Variants in KSR1 observed in about 807,000 individuals in gnomAD.
KSR1 encodes the protein kinase suppressor of ras 1, also known as kinase suppressor of ras.
In KSR1, 35 loss-of-function variants were observed where a neutral mutation model predicts 92.9. That is an observed-to-expected ratio of 0.38 (90% confidence interval 0.29 to 0.50). The LOEUF (loss-of-function observed/expected upper bound fraction) is 0.50, where lower values mean the gene tolerates loss of function less well. Ranked by LOEUF, KSR1 falls within the 20% of genes least tolerant of loss-of-function variation. KSR1 has a pLI of 0.94. For missense variants in KSR1, 972 were observed against 1,158.5 expected (o/e 0.84, Z 2.34); for synonymous variants, 467 against 472.6 (o/e 0.99, Z 0.15).
chr17:27,602,146 G>A (rs1598124821), intron 11 of KSR1, among the ~76,000 whole-genome samples: 1 of 152,026 alleles, frequency 6.6e-6, no homozygotes, highest in East Asian at 1.9e-4. Flanking sequence ...GGACTGTCTT[G>A]AAGTCACAGT....
chr17:27,603,282 C>A (rs972621632), intron 11 of KSR1, among the ~76,000 whole-genome samples: 1 of 152,250 alleles, frequency 6.6e-6, no homozygotes, highest in Non-Finnish European at 1.5e-5. Context: ...GTGACCCATA[C>A]CTGAAGCCGA....
intron 1 of KSR1, among the ~76,000 whole-genome samples, chr17:27,530,040 G>C (rs2070471789): frequency 6.6e-6 from 1 of 152,186 alleles, no homozygotes; most frequent in Admixed American, 6.5e-5. Flanking sequence ...GACACACACT[G>C]TTCTTAACAA....
chr17:27,545,733 T>G (rs1567811802), intron 1 of KSR1, among the ~76,000 whole-genome samples: 1 of 152,172 alleles, frequency 6.6e-6, no homozygotes, highest in Non-Finnish European at 1.5e-5. Flanking sequence ...AAGTGGTGTC[T>G]GAGCTGATCC....
chr17:27,577,885 G>T lies in KSR1; in HGVS notation c.520+246G>T, dbSNP rs2072581340. On this transcript the variant is annotated intron_variant, in intron 3 of 20. Transcript: ENST00000644974. This position sits in a 1 kb window ranked among gnomAD's most constrained non-coding sequence, Gnocchi z 4.5. ...AGCCATGGTTAGAAATCCCAGGCCT[G>T]TCTGCTGGGCTGGGCTGGCCTGGCA... 4.7e-6 allele frequency: 3 copies of T among 645,154 alleles called. No homozygotes were observed. The highest frequency in any genetic ancestry group is 8.4e-6 in the Non-Finnish European group (3 of 355,266). 40.0% of individuals were successfully genotyped at this position (645,154 alleles called of 1,614,324 possible).
At chr17:27,578,866 C>A (rs1356606974) in intron 3 of KSR1, 4 of 152,162 alleles carry the variant, frequency 2.6e-5, no homozygotes, top group South Asian at 2.1e-4. Flanking sequence ...ATATTGTGGC[C>A]ACATCGTTGT....
At chr17:27,463,837 A>C (rs1332592128) in intron 1 of KSR1, among the ~76,000 whole-genome samples, 2 of 152,214 alleles carry the variant, frequency 1.3e-5, no homozygotes, top group Non-Finnish European at 2.9e-5. Flanking sequence ...TACTGATCAC[A>C]GTGCTATTTG....
At chr17:27,583,193 C>A (rs2072841449) in intron 4 of KSR1, 88 bp downstream of exon 4, 2 of 903,384 alleles carry the variant, frequency 2.2e-6, no homozygotes, top group Non-Finnish European at 3.3e-6. Flanking sequence ...AAAATCAACC[C>A]CTATAGACGT....
intron 1 of KSR1, among the ~76,000 whole-genome samples, chr17:27,506,434 G>T (rs755695473): frequency 2.0e-5 from 3 of 152,204 alleles, no homozygotes; most frequent in Non-Finnish European, 4.4e-5. Context: ...ATTATTAGTT[G>T]TAGATGTTCA....
intron 1 of KSR1, among the ~76,000 whole-genome samples, chr17:27,471,272 T>C (rs1355432326): frequency 6.6e-6 from 1 of 152,046 alleles, no homozygotes; most frequent in Non-Finnish European, 1.5e-5. Flanking sequence ...CTTCCTTCAG[T>C]GGAAAGAGAA....
intron 1 of KSR1, among the ~76,000 whole-genome samples, chr17:27,535,048 G>A (rs1380620307): frequency 6.6e-6 from 1 of 152,200 alleles, no homozygotes. Flanking sequence ...AGGCATCTGA[G>A]AAGTCCCTGG....
At chr17:27,532,221 C>T (rs1407068580) in intron 1 of KSR1, among the ~76,000 whole-genome samples, 1 of 152,202 alleles carries the variant, frequency 6.6e-6, no homozygotes, top group Non-Finnish European at 1.5e-5. Context: ...TTGACGTGGT[C>T]CTTAGATGGG....
At chr17:27,567,882 T>G (rs2072147733) in intron 2 of KSR1, among the ~76,000 whole-genome samples, 1 of 152,158 alleles carries the variant, frequency 6.6e-6, no homozygotes, top group Non-Finnish European at 1.5e-5. Context: ...GTGAAATGAG[T>G]GCTGACTAGA....
intron 2 of KSR1, among the ~76,000 whole-genome samples, chr17:27,552,456 G>A (rs1336847962): frequency 2.6e-5 from 4 of 152,196 alleles, no homozygotes; most frequent in Admixed American, 2.6e-4. Flanking sequence ...CCAAGTGGGT[G>A]GTGACACAGG....
At chr17:27,616,293 T>C (rs1436049751) in intron 18 of KSR1, among the ~76,000 whole-genome samples, 1 of 152,260 alleles carries the variant, frequency 6.6e-6, no homozygotes, top group Non-Finnish European at 1.5e-5. Flanking sequence ...CCTACATTTC[T>C]CTTACCTTCT....
At chr17:27,503,480 CT>C (rs1313423828) in intron 1 of KSR1, among the ~76,000 whole-genome samples, 1 of 152,210 alleles carries the variant, frequency 6.6e-6, no homozygotes, top group Non-Finnish European at 1.5e-5. Flanking sequence ...GGGCAAATCA[CT>C]TGAGGTCAGA....
At chr17:27,511,436 G>A (rs2151002097) in intron 1 of KSR1, among the ~76,000 whole-genome samples, 1 of 152,330 alleles carries the variant, frequency 6.6e-6, no homozygotes, top group East Asian at 1.9e-4. Flanking sequence ...AAACTGAACA[G>A]TGCCAGAAGG....
At chr17:27,528,650 G>C (rs1567795761) in intron 1 of KSR1, among the ~76,000 whole-genome samples, 2 of 152,074 alleles carry the variant, frequency 1.3e-5, no homozygotes, top group Admixed American at 1.3e-4. Flanking sequence ...TGTAATCCCA[G>C]TGCTTTGGGA....
chr17:27,463,943 C>T (rs964437150), intron 1 of KSR1, among the ~76,000 whole-genome samples: 3 of 152,154 alleles, frequency 2.0e-5, no homozygotes, highest in African/African-American at 7.2e-5. Flanking sequence ...TCTCATCTTG[C>T]AGGTGAGGAA....
At chr17:27,586,588 T>G (rs964464419) in intron 5 of KSR1, among the ~76,000 whole-genome samples, 8 of 152,260 alleles carry the variant, frequency 5.3e-5, no homozygotes, top group Middle Eastern at 3.4e-3. Flanking sequence ...CACAGAACCT[T>G]GGAGGAACAT....
Sources: gnomAD v4.1 joint callset for allele counts (sites outside exome capture counted in the v4.1 genomes callset) on GRCh38, gnomAD v4.1.1 for gene constraint, Gnocchi (gnomAD v3.1) non-coding constraint, MANE v1.5 for transcripts, NCBI Gene and HGNC (gene_info 2026-07-23, HGNC 2026-07-21) for gene names.